Variants in UNC5D observed in about 807,000 individuals in gnomAD.
UNC5D encodes the protein unc-5 netrin receptor D, also known as netrin receptor UNC5D.
In UNC5D, 39 loss-of-function variants were observed where a neutral mutation model predicts 105.4. The ratio of observed to expected loss-of-function variants is 0.37; its 90% CI spans 0.29 to 0.48. UNC5D has a LOEUF of 0.48. Among genes scored for constraint, UNC5D ranks in the 20% least tolerant of loss-of-function variants. The pLI is 0.98. For synonymous variants in UNC5D, 452 were observed against 450.4 expected, an observed-to-expected ratio of 1.00 and a Z score of -0.04; for missense variants, 991 against 1,202.4, an observed-to-expected ratio of 0.82 and a Z score of 2.60.
intron 1 of UNC5D, among the ~76,000 whole-genome samples, chr8:35,428,798 A>C (rs1806429561): frequency 6.6e-6 from 1 of 152,080 alleles, no homozygotes; most frequent in Admixed American, 6.6e-5. Context: ...CTCAGATATG[A>C]AAACACCACC....
chr8:35,319,215 C>G (rs563754271), intron 1 of UNC5D, among the ~76,000 whole-genome samples: 2 of 152,156 alleles, frequency 1.3e-5, no homozygotes, highest in East Asian at 3.9e-4. Flanking sequence ...TAAAATATAC[C>G]CTTCAGGCAA....
chr8:35,627,755 CCT>C (rs1821779492), intron 4 of UNC5D, among the ~76,000 whole-genome samples: 1 of 152,064 alleles, frequency 6.6e-6, no homozygotes, highest in Admixed American at 6.6e-5. Flanking sequence ...ATATTAGACC[CCT>C]GTCTCTCCAA....
At position 35,717,632 on chromosome 8, in the gene UNC5D, T is replaced by C. The variant is rs941353892; in HGVS notation, c.1118-4578T>C. ...TTTAGAGACTTTCTGAAAGGAGATT[T>C]CACAATCTCCCCCAGAAATACAATT... On this transcript the variant is annotated intron_variant, in intron 8 of 16. Transcript: ENST00000404895. 3.3e-5 allele frequency among the ~76,000 whole-genome samples: 5 copies of C among 152,284 alleles called. No individual in the cohort carries two copies. The East Asian group carries it at 7.7e-4, about 24-fold the overall frequency.
chr8:35,273,129 G>A (rs1452475869), intron 1 of UNC5D, among the ~76,000 whole-genome samples: 8 of 152,128 alleles, frequency 5.3e-5, no homozygotes, highest in African/African-American at 1.7e-4. Context: ...TCTTAAAGAC[G>A]GAATCTGGAC....
intron 1 of UNC5D, among the ~76,000 whole-genome samples, chr8:35,257,974 T>A (rs189034473): frequency 4.6e-5 from 7 of 152,344 alleles, no homozygotes; most frequent in Admixed American, 4.6e-4. Flanking sequence ...TGTATACACA[T>A]GTGTCTTAAT....
At chr8:35,737,107 A>G (rs1829506431) in intron 11 of UNC5D, among the ~76,000 whole-genome samples, 1 of 152,094 alleles carries the variant, frequency 6.6e-6, no homozygotes, top group African/African-American at 2.4e-5. Flanking sequence ...AAGCATCTCA[A>G]TTTGGGCAAT....
chr8:35,679,289 T>C (rs980319651), intron 4 of UNC5D, among the ~76,000 whole-genome samples: 2 of 151,930 alleles, frequency 1.3e-5, no homozygotes, highest in Admixed American at 6.6e-5. Flanking sequence ...GAGGTAAGCA[T>C]TAGGAAGAAA....
chr8:35,691,618 C>T (rs1445081449), intron 7 of UNC5D, among the ~76,000 whole-genome samples: 1 of 152,174 alleles, frequency 6.6e-6, no homozygotes, highest in Non-Finnish European at 1.5e-5. Context: ...TAGAGTATTG[C>T]TTTTCCAGAG....
At chr8:35,383,854 G>A (rs779912325) in intron 1 of UNC5D, among the ~76,000 whole-genome samples, 2 of 152,140 alleles carry the variant, frequency 1.3e-5, no homozygotes, top group Non-Finnish European at 2.9e-5. Context: ...GGAAGCAGGA[G>A]AATTGCTTCA....
intron 4 of UNC5D, among the ~76,000 whole-genome samples, chr8:35,662,111 T>C (rs1429719070): frequency 6.7e-6 from 1 of 149,596 alleles, no homozygotes; most frequent in Non-Finnish European, 1.5e-5. Context: ...ATTTTCTCTA[T>C]GAAATGCCTA....
intron 1 of UNC5D, among the ~76,000 whole-genome samples, chr8:35,258,964 G>T (rs1234425729): frequency 6.6e-6 from 1 of 152,156 alleles, no homozygotes; most frequent in Admixed American, 6.5e-5. Context: ...GCACCAAGAA[G>T]ACCAAAGCCC....
intron 1 of UNC5D, among the ~76,000 whole-genome samples, chr8:35,313,924 C>T (rs1354541022): frequency 2.0e-5 from 3 of 152,044 alleles, no homozygotes; most frequent in Non-Finnish European, 4.4e-5. Flanking sequence ...TAAGATGAAT[C>T]GATGTGTTGA....
chr8:35,567,998 G>A (rs556169539), intron 2 of UNC5D, 100 bp from the exon 3 acceptor site: 7 of 1,507,646 alleles, frequency 4.6e-6, no homozygotes, highest in Admixed American at 4.2e-5. Context: ...TTAAAAACAG[G>A]ATTGTTTAAT....
intron 4 of UNC5D, among the ~76,000 whole-genome samples, chr8:35,672,946 G>A (rs1244543812): frequency 6.6e-6 from 1 of 152,206 alleles, no homozygotes. Flanking sequence ...GTAAAATTCT[G>A]TGATCAGTAT....
chr8:35,669,418 T>TATC (rs113797942), intron 4 of UNC5D, among the ~76,000 whole-genome samples: 1,741 of 152,272 alleles, frequency 0.011, 36 homozygotes, highest in African/African-American at 0.04. Context: ...GGTATTCCTA[T>TATC]ATCACTTGTC....
At chr8:35,592,373 A>ACC (rs1819225614) in intron 3 of UNC5D, among the ~76,000 whole-genome samples, 2 of 152,212 alleles carry the variant, frequency 1.3e-5, no homozygotes, top group Non-Finnish European at 2.9e-5. Flanking sequence ...TTGTAGTATA[A>ACC]TTCTTGTTAT....
chr8:35,666,155 TG>T (rs1433985348), intron 4 of UNC5D, among the ~76,000 whole-genome samples: 1 of 152,042 alleles, frequency 6.6e-6, no homozygotes, highest in African/African-American at 2.4e-5. Context: ...GAGGGTTGCA[TG>T]GGAATTTAAT....
intron 1 of UNC5D, among the ~76,000 whole-genome samples, chr8:35,443,392 C>T (rs1046923431): frequency 9.2e-5 from 14 of 151,408 alleles, no homozygotes; most frequent in Non-Finnish European, 1.2e-4. Flanking sequence ...CAGGGGGCAG[C>T]CAGCATTCTT....
chr8:35,632,133 G>A (rs1822079103), intron 4 of UNC5D, among the ~76,000 whole-genome samples: 1 of 152,200 alleles, frequency 6.6e-6, no homozygotes, highest in Non-Finnish European at 1.5e-5. Context: ...AGACCAAGAA[G>A]AGGTGAAACC....
Sources: gnomAD v4.1 joint callset for allele counts (sites outside exome capture counted in the v4.1 genomes callset) on GRCh38, gnomAD v4.1.1 for gene constraint, MANE v1.5 for transcripts, NCBI Gene and HGNC (gene_info 2026-07-23, HGNC 2026-07-21) for gene names.